Variants in ARHGEF5 observed in about 807,000 individuals in gnomAD.
ARHGEF5 encodes the protein Rho guanine nucleotide exchange factor (GEF) 5.
A neutral mutation model predicts 104.0 loss-of-function variants in ARHGEF5; 11 were observed. The ratio of observed to expected loss-of-function variants is 0.11; its 90% CI spans 0.07 to 0.18. ARHGEF5 has a LOEUF of 0.18. Among genes scored for constraint, ARHGEF5 ranks in the 10% least tolerant of loss-of-function variants. The pLI is 1.00. For missense variants in ARHGEF5, 165 were observed against 1,335.4 expected (o/e 0.12, Z 13.66); for synonymous variants, 60 against 512.2 (o/e 0.12, Z 11.92).
Position 144,364,277 on chromosome 7 carries a change from G to GC in ARHGEF5, c.1613dup (p.Val539SerfsTer26), listed in dbSNP as rs1463805365. The GC allele has an allele frequency of 7.1e-6, 4 of 566,612 alleles. No homozygotes were observed. In the African/African-American group the frequency reaches 1.7e-4, roughly 25 times the overall value. 35.1% of individuals were successfully genotyped at this position (566,612 alleles called of 1,614,324 possible). A position where few individuals can be genotyped will look rare whatever the true frequency, so the allele number is the denominator to read the frequency against. ...TCACACCTGCCTCGGTATCTGCCAG[G>GC]CCCCCAGTTGCCTTTCCCAGGAGGG... is the stretch of plus-strand genomic sequence containing the variant. On this transcript the variant is annotated frameshift_variant, in exon 2 of 15. Coordinates refer to ENST00000056217, the MANE Select transcript of ARHGEF5 (RefSeq NM_005435.4). LOFTEE classifies it high-confidence loss of function.
chr7:144,380,272 G>A lies in ARHGEF5; in HGVS notation c.*216G>A. The A allele has an allele frequency of 1.9e-6, 1 of 529,936 alleles. No homozygotes were observed. Among genetic ancestry groups the A allele is most frequent in the South Asian group, 2.9e-5 (1 of 34,562 alleles). 32.8% of individuals were successfully genotyped at this position (529,936 alleles called of 1,614,324 possible). A position where few individuals can be genotyped will look rare whatever the true frequency, so the allele number is the denominator to read the frequency against. On this transcript the variant is annotated 3_prime_UTR_variant, in exon 15 of 15. Transcript: ENST00000056217. ...TCGAGGGACTTTGCACTGGACTCTG[G>A]GAACCTTTCATCATTAAAAAAAGGG...
At position 144,380,592 on chromosome 7, in the gene ARHGEF5, GAT is replaced by G. The variant is rs1325589491; in HGVS notation, c.*538_*539del. On this transcript the variant is annotated 3_prime_UTR_variant, in exon 15 of 15. Transcript: ENST00000056217. ...TGTCTGTTGGTGGCAATGTGAGGGTGATACTCTCTCACTCTAATAAACTTGGC... is the reference window on the plus strand; with the variant it reads ...TGTCTGTTGGTGGCAATGTGAGGGTGACTCTCTCACTCTAATAAACTTGGC... 6.5e-6 allele frequency: 1 copy of G among 152,928 alleles called. No homozygotes were observed. Among genetic ancestry groups the G allele is most frequent in the Non-Finnish European group, 1.5e-5 (1 of 68,554 alleles). 9.5% of individuals were successfully genotyped at this position (152,928 alleles called of 1,614,324 possible).
Position 144,380,025 on chromosome 7 carries a change from C to T in ARHGEF5, c.4763C>T (p.Ala1588Val). Residue 1588 changes from alanine (A) to valine (V), a missense_variant, in exon 15 of 15, where the codon GCC (alanine) becomes GTC (valine). Ala to Val is a moderately conservative substitution (Grantham distance 64, BLOSUM62 0). Transcript: ENST00000056217. ...AAGGAAGCTCATCGAGTCAAGACTG[C>T]CAAACTACAGCTGGTGGAACAGCAA... Reference protein sequence around the residue: ...NLKEAHRVKTAKLQLVEQQA With the variant: ...NLKEAHRVKTVKLQLVEQQA The T allele has an allele frequency of 6.2e-7, 1 of 1,614,174 alleles. No individual in the cohort carries two copies. The highest frequency in any genetic ancestry group is 1.7e-5 in the Admixed American group (1 of 60,014).
intron 14 of ARHGEF5, among the ~76,000 whole-genome samples, chr7:144,379,490 G>A (rs373620462): frequency 7.9e-5 from 12 of 152,148 alleles, no homozygotes; most frequent in East Asian, 5.8e-4. Flanking sequence ...GATTACAGGC[G>A]TGAGCCACCA....
rs1388459308 is a variant in ARHGEF5, at chr7:144,360,235, C to T, written c.-12-2423C>T. ...GGATCCCTCTCCTGCCTCAGCCTCC[C>T]GAGTAGCTGGAACTACAGGCACGTG... On this transcript the variant is annotated intron_variant, in intron 1 of 14. Coordinates refer to ENST00000056217, the MANE Select transcript of ARHGEF5 (RefSeq NM_005435.4). 3.4e-5 allele frequency among the ~76,000 whole-genome samples: 4 copies of T among 119,282 alleles called. 1 individual carries two copies. Among genetic ancestry groups the T allele is most frequent in the East Asian group, 5.9e-4 (2 of 3,412 alleles). 78.3% of individuals were successfully genotyped at this position (119,282 alleles called of 152,430 possible).
intron 14 of ARHGEF5, 77 bp downstream of exon 14, chr7:144,378,943 GCTGCCATGACAAAGTACCATGGA>G: frequency 7.2e-7 from 1 of 1,383,424 alleles, no homozygotes. Context: ...ACTTCCTGCA[GCTGCCATGACAAAGTACCATGGA>G]CTGGGTGGCT....
rs755327494 is a variant in ARHGEF5, at chr7:144,379,881, C to T, written c.4637-18C>T. 5 of 1,613,910 alleles carry T rather than the reference C, an allele frequency of 3.1e-6. No homozygotes were observed. The Admixed American group carries it at 8.3e-5, about 27-fold the overall frequency. ...AGCCTTTCCCAGGTAATTCTTCCCA[C>T]TCACCCTGTGCCCACAGGCTGGCTG... On this transcript the variant is annotated intron_variant, in intron 14 of 14. Transcript: ENST00000056217.
intron 13 of ARHGEF5, among the ~76,000 whole-genome samples, chr7:144,378,559 G>A (rs2053777574): frequency 6.6e-6 from 1 of 152,194 alleles, no homozygotes; most frequent in South Asian, 2.1e-4. Flanking sequence ...CTCCTCTGGA[G>A]AAGTGGAATT....
At chr7:144,379,501 C>G (rs542782463) in intron 14 of ARHGEF5, among the ~76,000 whole-genome samples, 15 of 152,190 alleles carry the variant, frequency 9.9e-5, no homozygotes, top group African/African-American at 3.6e-4. Context: ...TGAGCCACCA[C>G]GCCCAGCCCA....
At chr7:144,378,157 G>T (rs2053774747) in intron 13 of ARHGEF5, among the ~76,000 whole-genome samples, 1 of 152,144 alleles carries the variant, frequency 6.6e-6, no homozygotes, top group Non-Finnish European at 1.5e-5. Flanking sequence ...TAGAAATAGA[G>T]AAATCTTGAA....
chr7:144,380,045 C>G lies in ARHGEF5; in HGVS notation c.4783C>G (p.Gln1595Glu), dbSNP rs148911928. ...GACTGCCAAACTACAGCTGGTGGAA[C>G]AGCAAGCCTAAGTCTTCTCTGAGAG... ...VKTAKLQLVEQQA is the reference protein window; with the variant it reads ...VKTAKLQLVEEQA The change falls in exon 15 of 15, where the codon CAG becomes GAG. Residue 1595 changes from glutamine (Q) to glutamate (E), a missense_variant. Transcript: ENST00000056217. 2.4e-5 allele frequency: 39 copies of G among 1,614,054 alleles called. No homozygotes were observed. The highest frequency in any genetic ancestry group is 3.3e-5 in the Admixed American group (2 of 60,012).
chr7:144,370,735 G>C (rs1439949316), intron 5 of ARHGEF5, among the ~76,000 whole-genome samples: 11 of 147,146 alleles, frequency 7.5e-5, no homozygotes, highest in Non-Finnish European at 1.5e-4. Context: ...CAAAGTGTTG[G>C]GATTACAGGC....
intron 1 of ARHGEF5, among the ~76,000 whole-genome samples, chr7:144,357,729 G>A (rs1227537424): frequency 6.6e-6 from 1 of 151,940 alleles, no homozygotes; most frequent in Non-Finnish European, 1.5e-5. Context: ...AGGTGTTGGG[G>A]GGGGCTCTAG....
In ARHGEF5 at chr7:144,379,051, C is replaced by T. The variant is rs565191806; in HGVS notation, c.4636+185C>T. Among the ~76,000 whole-genome samples, 7 of 152,248 alleles carry T rather than the reference C, an allele frequency of 4.6e-5. No homozygotes were observed. The South Asian group carries it at 6.2e-4, about 14-fold the overall frequency. ...AAATCAAGGTGTGGGCAGAGCCACG[C>T]GTCTTTTGAAACCTGTAGGGAAGAT... On this transcript the variant is annotated intron_variant, in intron 14 of 14. Transcript: ENST00000056217.
At position 144,363,936 on chromosome 7, in the gene ARHGEF5, C is replaced by A; in HGVS notation, c.1267C>A (p.Pro423Thr). Reference protein sequence around the residue: ...PEDSPHCDLFPGASYLMTQIP... With the variant: ...PEDSPHCDLFTGASYLMTQIP... ...GGACTCTCCTCACTGTGACCTGTTTCCAGGTGCCTCATATCTCATGACTCA... is the reference window on the plus strand; with the variant it reads ...GGACTCTCCTCACTGTGACCTGTTTACAGGTGCCTCATATCTCATGACTCA... The change falls in exon 2 of 15, where the codon CCA becomes ACA. Residue 423 changes from proline to threonine, a missense_variant. Physicochemically the swap from Pro to Thr is conservative, Grantham distance 38. Transcript: ENST00000056217. 1.4e-6 allele frequency: 2 copies of A among 1,408,084 alleles called. 1 individual carries two copies. The highest frequency in any genetic ancestry group is 1.9e-6 in the Non-Finnish European group (2 of 1,027,126). The allele number at this position is 1,408,084 out of a possible 1,614,324, so 87.2% of individuals were successfully genotyped here.
Position 144,374,760 on chromosome 7 carries a change from G to GCC in ARHGEF5, c.4169_4170insCC (p.Trp1390CysfsTer4). On this transcript the variant is annotated frameshift_variant, in exon 11 of 15. Coordinates refer to ENST00000056217, the MANE Select transcript of ARHGEF5 (RefSeq NM_005435.4). LOFTEE classifies it high-confidence loss of function. ...TTCCCGCTCATTTCTCAGTCACGCTGGCTGGTGAAAAGTGGGGAGCTGACA... is the reference window on the plus strand; with the variant it reads ...TTCCCGCTCATTTCTCAGTCACGCTGCCGCTGGTGAAAAGTGGGGAGCTGACA... 7.7e-7 allele frequency: 1 copy of GCC among 1,291,924 alleles called. No homozygotes were observed. Among genetic ancestry groups the GCC allele is most frequent in the South Asian group, 1.2e-5 (1 of 82,642 alleles). The allele number at this position is 1,291,924 out of a possible 1,614,324, so 80.0% of individuals were successfully genotyped here.
intron 13 of ARHGEF5, among the ~76,000 whole-genome samples, chr7:144,378,361 T>A (rs1050333918): frequency 6.6e-6 from 1 of 152,178 alleles, no homozygotes; most frequent in Non-Finnish European, 1.5e-5. Flanking sequence ...GATTTTATAA[T>A]CCAGTTGGAG....
intron 13 of ARHGEF5, among the ~76,000 whole-genome samples, chr7:144,378,082 C>T (rs545237399): frequency 6.6e-6 from 1 of 152,316 alleles, no homozygotes; most frequent in African/African-American, 2.4e-5. Context: ...ATAGGTGAAG[C>T]ATTCTCTGAG....
chr7:144,379,967 A>C lies in ARHGEF5; in HGVS notation c.4705A>C (p.Ile1569Leu). 1 of 1,614,204 alleles carries C rather than the reference A, an allele frequency of 6.2e-7. No individual in the cohort carries two copies. The highest frequency in any genetic ancestry group is 2.2e-5 in the East Asian group (1 of 44,882). The change falls in exon 15 of 15, where the codon ATT becomes CTT. Residue 1569 changes from isoleucine to leucine, a missense_variant. Coordinates refer to ENST00000056217, the MANE Select transcript of ARHGEF5 (RefSeq NM_005435.4). ...GWFPVQQVEF[I>L]SNPEVRAQNL... is the part of the protein sequence containing the mutation. ...GTTTCCTGTGCAGCAGGTGGAGTTC[A>C]TTTCCAACCCAGAGGTCCGTGCACA...
Sources: gnomAD v4.1 joint callset for allele counts (sites outside exome capture counted in the v4.1 genomes callset) on GRCh38, gnomAD v4.1.1 for gene constraint, MANE v1.5 for transcripts, NCBI Gene and HGNC (gene_info 2026-07-23, HGNC 2026-07-21) for gene names.